CERS3: variants seen among roughly 807,000 people sequenced by gnomAD.
The protein encoded by CERS3 is ceramide synthase 3, also known as LAG1 homolog, ceramide synthase 3.
In CERS3, 33 loss-of-function variants were observed where a neutral mutation model predicts 50.3. That is an observed-to-expected ratio of 0.66 (90% CI 0.50 to 0.88). The LOEUF (loss-of-function observed/expected upper bound fraction) is 0.88. CERS3 is among the 40% of genes least tolerant of loss of function. The pLI, the probability that CERS3 is intolerant of heterozygous loss-of-function variation, is 0.00. For synonymous variants in CERS3, 176 were observed against 155.2 expected (o/e 1.13, Z -0.99); for missense variants, 470 against 460.3 (o/e 1.02, Z -0.19).
intron 11 of CERS3, among the ~76,000 whole-genome samples, chr15:100,414,589 CA>C (rs1175909080): frequency 6.6e-6 from 1 of 151,928 alleles, no homozygotes; most frequent in Non-Finnish European, 1.5e-5. Context: ...GCATATAGAC[CA>C]ACAGAACAGA....
intron 3 of CERS3, among the ~76,000 whole-genome samples, chr15:100,493,431 G>T (rs1447813419): frequency 1.3e-5 from 2 of 152,152 alleles, no homozygotes; most frequent in African/African-American, 4.8e-5. Context: ...AGAATTCCTT[G>T]TATGTGATGA....
intron 11 of CERS3, among the ~76,000 whole-genome samples, chr15:100,415,203 C>A (rs12912944): frequency 0.57 from 86,545 of 152,062 alleles, 24,851 homozygotes; most frequent in Non-Finnish European, 0.6. Flanking sequence ...TAGAGAACTG[C>A]AAATCAAAAT....
At position 100,465,222 on chromosome 15, in the gene CERS3, T is replaced by C. The variant is rs1018616590; in HGVS notation, c.845+4156A>G. On this transcript the variant is annotated intron_variant, in intron 10 of 11. Transcript: ENST00000679737. ...CCACAGTGCCTCTAAAATGTCTGAA[T>C]GGTGAAATAGGTTAGTTAAGCCACC... Among the ~76,000 whole-genome samples the C allele has an allele frequency of 2.0e-5, 3 of 151,966 alleles. No homozygotes were observed. In the South Asian group the frequency reaches 6.2e-4, roughly 32 times the overall value.
intron 1 of CERS3, among the ~76,000 whole-genome samples, chr15:100,527,419 C>A (rs2142402092): frequency 6.6e-6 from 1 of 152,362 alleles, no homozygotes; most frequent in African/African-American, 2.4e-5. Flanking sequence ...AGCCTTCCTC[C>A]AACAGCAGAA....
chr15:100,513,785 C>T (rs2036419241), intron 2 of CERS3, among the ~76,000 whole-genome samples: 1 of 152,134 alleles, frequency 6.6e-6, no homozygotes, highest in African/African-American at 2.4e-5. Context: ...AATCCTTCCA[C>T]CTCAGCTTTC....
intron 2 of CERS3, among the ~76,000 whole-genome samples, chr15:100,515,360 G>C (rs1021701305): frequency 7.2e-5 from 11 of 152,148 alleles, no homozygotes; most frequent in Non-Finnish European, 1.5e-5. Context: ...CCTGTAAAAT[G>C]ACTTTACAGT....
At chr15:100,468,888 A>G (rs1313382424) in intron 10 of CERS3, among the ~76,000 whole-genome samples, 2 of 152,218 alleles carry the variant, frequency 1.3e-5, no homozygotes, top group Non-Finnish European at 2.9e-5. Context: ...AACAAGTATC[A>G]GTTTTCCTTA....
intron 11 of CERS3, among the ~76,000 whole-genome samples, chr15:100,415,577 G>A (rs549404945): frequency 7.9e-5 from 12 of 152,284 alleles, no homozygotes; most frequent in Admixed American, 2.0e-4. Context: ...TAAAGAAAAT[G>A]TAGTACACAT....
chr15:100,473,356 AT>A (rs760257267), intron 8 of CERS3, among the ~76,000 whole-genome samples: 4 of 152,202 alleles, frequency 2.6e-5, no homozygotes, highest in Non-Finnish European at 5.9e-5. Flanking sequence ...ACCTACAGTT[AT>A]TGTTTAGCCC....
chr15:100,503,265 C>T (rs1376170095), intron 2 of CERS3, among the ~76,000 whole-genome samples: 4 of 152,154 alleles, frequency 2.6e-5, no homozygotes, highest in Non-Finnish European at 5.9e-5. Context: ...TGAATGAATC[C>T]AAGGTGTGGA....
upstream of CERS3, among the ~76,000 whole-genome samples, chr15:100,530,029 C>T (rs957507358): frequency 3.3e-5 from 5 of 152,216 alleles, no homozygotes; most frequent in African/African-American, 1.2e-4. Flanking sequence ...CTGGGTACTT[C>T]TCACTCAGGG....
chr15:100,504,832 C>G (rs1372700190), intron 2 of CERS3, among the ~76,000 whole-genome samples: 1 of 152,166 alleles, frequency 6.6e-6, no homozygotes, highest in Non-Finnish European at 1.5e-5. Flanking sequence ...AGTGAGGACT[C>G]AAGCTTGGTT....
In CERS3 at chr15:100,401,791, A is replaced by G. The variant is rs1240745098; in HGVS notation, c.*922T>C. ...AAGGAAGGGCTCAGGGCAGCAGCAC[A>G]GAAGCTTCCCTCCTAGAAAGGAAAA... On this transcript the variant is annotated 3_prime_UTR_variant, in exon 12 of 12. Transcript: ENST00000679737. The G allele has an allele frequency of 6.6e-6, 1 of 152,378 alleles. No homozygotes were observed. 9.4% of individuals were successfully genotyped at this position (152,378 alleles called of 1,614,324 possible). A position where few individuals can be genotyped will look rare whatever the true frequency, so the allele number is the denominator to read the frequency against.
intron 11 of CERS3, among the ~76,000 whole-genome samples, chr15:100,433,904 T>C (rs1296965128): frequency 2.0e-5 from 3 of 152,260 alleles, no homozygotes; most frequent in Non-Finnish European, 4.4e-5. Flanking sequence ...GGGGCCCTCT[T>C]GAGGCCTGGG....
Position 100,513,660 on chromosome 15 carries a change from C to G in CERS3, c.-2+8007G>C, listed in dbSNP as rs58454217. The stretch of plus-strand genomic sequence containing the variant: ...TCAAGCAATCCTCCCACCTCAGCCT[C>G]CTAAGTAGCTGGGACCACAGGCATG... On this transcript the variant is annotated intron_variant, in intron 2 of 11. Transcript: ENST00000679737. Among the ~76,000 whole-genome samples, 488 of 151,814 alleles carry G rather than the reference C, an allele frequency of 3.2e-3. 2 individuals are homozygous for G. The highest frequency in any genetic ancestry group is 0.011 in the African/African-American group (476 of 41,410).
chr15:100,447,824 T>C (rs1405483833), intron 11 of CERS3, among the ~76,000 whole-genome samples: 1 of 152,238 alleles, frequency 6.6e-6, no homozygotes, highest in Non-Finnish European at 1.5e-5. Context: ...TGGTGGGCTA[T>C]TTCCCCTAAA....
intron 1 of CERS3, among the ~76,000 whole-genome samples, chr15:100,541,371 C>G (rs1359957189): frequency 3.3e-5 from 5 of 152,138 alleles, no homozygotes; most frequent in Non-Finnish European, 5.9e-5. Context: ...ACTCCTGAGG[C>G]TGAGACAAGA....
At chr15:100,407,364 T>A (rs1320344180) in intron 11 of CERS3, among the ~76,000 whole-genome samples, 1 of 152,210 alleles carries the variant, frequency 6.6e-6, no homozygotes. Flanking sequence ...CTTTATAGCA[T>A]CTTGGCAGTC....
At chr15:100,497,885 A>C in intron 3 of CERS3, among the ~76,000 whole-genome samples, 1 of 75,072 alleles carries the variant, frequency 1.3e-5, no homozygotes, top group Non-Finnish European at 2.8e-5. Flanking sequence ...ACACACACAC[A>C]CACACACACA....
Sources: gnomAD v4.1 joint callset for allele counts (sites outside exome capture counted in the v4.1 genomes callset) on GRCh38, gnomAD v4.1.1 for gene constraint, MANE v1.5 for transcripts, NCBI Gene and HGNC (gene_info 2026-07-23, HGNC 2026-07-21) for gene names.